Variants in FILIP1L observed in about 807,000 individuals in gnomAD.
The protein encoded by FILIP1L is filamin A-interacting protein 1-like.
FILIP1L carries 55 observed loss-of-function variants against 96.6 expected under a neutral mutation model. The observed-to-expected ratio is 0.57, with a 90% CI of 0.46 to 0.71. The LOEUF (loss-of-function observed/expected upper bound fraction) is 0.71. Among genes scored for constraint, FILIP1L ranks in the 30% least tolerant of loss-of-function variants. The probability of loss-of-function intolerance (pLI) is 0.00; values close to 1 mark genes in which losing one functional copy is unlikely to be tolerated. For missense variants in FILIP1L, 1,304 were observed against 1,321.2 expected (o/e 0.99, Z 0.20); for synonymous variants, 467 against 473.9 (o/e 0.99, Z 0.19).
intron 1 of FILIP1L, among the ~76,000 whole-genome samples, chr3:99,995,176 A>G (rs1311511039): frequency 1.3e-5 from 2 of 152,210 alleles, no homozygotes; most frequent in African/African-American, 2.4e-5. Context: ...CCTAGATACA[A>G]TGTGGGTACA....
At position 100,104,970 on chromosome 3, in the gene FILIP1L, G is replaced by A. The variant is rs553900600; in HGVS notation, c.-11+9083C>T. On this transcript the variant is annotated intron_variant, in intron 1 of 5. Coordinates refer to ENST00000477258, the MANE Select transcript of FILIP1L (RefSeq NM_001387850.1). The stretch of plus-strand genomic sequence containing the variant: ...CCTATGCATTAACTCTAATCTTTCT[G>A]TAAAAGTATCTGCCTTTATTTAACT... 8.5e-5 allele frequency among the ~76,000 whole-genome samples: 13 copies of A among 152,148 alleles called. No homozygotes were observed. The South Asian group carries it at 2.7e-3, about 32-fold the overall frequency.
At chr3:100,041,484 T>TCACAAAAC (rs537310767) in intron 1 of FILIP1L, 90 of 152,286 alleles carry the variant, frequency 5.9e-4, no homozygotes, top group African/African-American at 2.0e-3. Flanking sequence ...AGCCCTGTTA[T>TCACAAAAC]ATCAGTGTTT....
At chr3:99,918,651 T>G (rs1417422273) in intron 4 of FILIP1L, among the ~76,000 whole-genome samples, 1 of 152,070 alleles carries the variant, frequency 6.6e-6, no homozygotes, top group Non-Finnish European at 1.5e-5. Flanking sequence ...TGACATCTGT[T>G]GAAAGTTAAG....
chr3:99,931,090 C>T, intron 1 of FILIP1L, 60 bp from the exon 2 acceptor site: 1 of 1,366,404 alleles, frequency 7.3e-7, no homozygotes, highest in East Asian at 2.3e-5. Flanking sequence ...ATAAGAGTAC[C>T]TATTACTGCT....
At position 99,849,466 on chromosome 3, in the gene FILIP1L, C is replaced by A. The variant is rs1368987126; in HGVS notation, c.2210G>T (p.Cys737Phe). The change falls in exon 5 of 6, where the codon TGT (cysteine) becomes TTT (phenylalanine). Residue 737 changes from cysteine to phenylalanine, a missense_variant. By Grantham distance (205) the Cys-to-Phe change is radical. Transcript: ENST00000477258. ...GACTGAGTGATCTCCCTGGAGGTGA[C>A]ATATTAGGTCTTCAGTTGCCATGTA... ...HEYMATEDLI[C>F]HLQGDHSVLQ... The A allele has an allele frequency of 6.2e-7, 1 of 1,613,784 alleles. No individual in the cohort carries two copies. Among genetic ancestry groups the A allele is most frequent in the East Asian group, 2.2e-5 (1 of 44,872 alleles).
rs555819875 is a variant in FILIP1L at position 100,074,675 on chromosome 3, A to AT, written c.-11+39377dup. Among the ~76,000 whole-genome samples the AT allele has an allele frequency of 9.4e-3, 328 of 34,770 alleles. 123 individuals carry two copies. The highest frequency in any genetic ancestry group is 0.011 in the Non-Finnish European group (223 of 20,228). The allele number at this position is 34,770 out of a possible 152,430, so 22.8% of individuals were successfully genotyped here. ...ATTTTCTATGCATGTGCAACATTTGATTTTTTTTTTTTTTTTTTTTTTTTT... is the reference window on the plus strand; with the variant it reads ...ATTTTCTATGCATGTGCAACATTTGATTTTTTTTTTTTTTTTTTTTTTTTTT... On this transcript the variant is annotated intron_variant, in intron 1 of 5. Transcript: ENST00000477258.
chr3:100,030,102 G>A (rs1347195981), intron 1 of FILIP1L, among the ~76,000 whole-genome samples: 3 of 152,112 alleles, frequency 2.0e-5, no homozygotes, highest in African/African-American at 7.2e-5. Flanking sequence ...ATAAGGAAAC[G>A]GAGACCCAAC....
chr3:100,060,493 C>T (rs2107342753), intron 1 of FILIP1L, among the ~76,000 whole-genome samples: 1 of 151,948 alleles, frequency 6.6e-6, no homozygotes, highest in East Asian at 1.9e-4. Context: ...AGCATCTTCA[C>T]CCAAGAAAAA....
At chr3:99,863,355 A>G (rs1392408423) in intron 4 of FILIP1L, among the ~76,000 whole-genome samples, 1 of 152,130 alleles carries the variant, frequency 6.6e-6, no homozygotes, top group Non-Finnish European at 1.5e-5. Flanking sequence ...ATAGGCCTCA[A>G]ACTGGTACTG....
intron 4 of FILIP1L, among the ~76,000 whole-genome samples, chr3:99,917,074 C>T (rs936224231): frequency 7.9e-5 from 12 of 152,126 alleles, no homozygotes; most frequent in African/African-American, 2.9e-4. Flanking sequence ...GTTGCCTTTC[C>T]ACATTCAGTT....
chr3:99,977,930 A>C (rs1709018133), intron 1 of FILIP1L, among the ~76,000 whole-genome samples: 1 of 152,196 alleles, frequency 6.6e-6, no homozygotes, highest in Non-Finnish European at 1.5e-5. Context: ...AAAAAATTGC[A>C]GGAAAAATAG....
intron 4 of FILIP1L, among the ~76,000 whole-genome samples, chr3:99,907,577 T>C (rs1434815413): frequency 1.3e-5 from 2 of 152,200 alleles, no homozygotes. Flanking sequence ...TGCAGCTCTT[T>C]GCTGAACATA....
chr3:100,099,526 G>T (rs368404237), intron 1 of FILIP1L, among the ~76,000 whole-genome samples: 1 of 152,032 alleles, frequency 6.6e-6, no homozygotes, highest in Non-Finnish European at 1.5e-5. Flanking sequence ...TATTTGTATC[G>T]GTCTAATTAT....
intron 1 of FILIP1L, among the ~76,000 whole-genome samples, chr3:100,100,244 A>G (rs1033800820): frequency 1.3e-5 from 2 of 152,134 alleles, no homozygotes; most frequent in African/African-American, 2.4e-5. Context: ...ATCCTGAGGA[A>G]AGGGTTGGAC....
intron 1 of FILIP1L, among the ~76,000 whole-genome samples, chr3:100,092,692 A>T (rs1487957720): frequency 6.8e-6 from 1 of 147,938 alleles, no homozygotes. Context: ...TGCTATTATT[A>T]TTTTAGGTTC....
intron 4 of FILIP1L, among the ~76,000 whole-genome samples, chr3:99,870,139 T>C (rs1483632632): frequency 6.6e-6 from 1 of 152,228 alleles, no homozygotes; most frequent in Non-Finnish European, 1.5e-5. Flanking sequence ...TCAATCTTTA[T>C]TGAGTACTGA....
intron 1 of FILIP1L, among the ~76,000 whole-genome samples, chr3:99,961,413 T>TTATATATATATAGCATATATA (rs1385561869): frequency 6.6e-6 from 1 of 152,176 alleles, no homozygotes; most frequent in Non-Finnish European, 1.5e-5. Flanking sequence ...CTACAATGAC[T>TTATATATATATAGCATATATA]CTTATGCTAT....
At chr3:99,968,703 G>GA (rs1245485314) in intron 1 of FILIP1L, among the ~76,000 whole-genome samples, 3 of 152,106 alleles carry the variant, frequency 2.0e-5, no homozygotes, top group Admixed American at 6.5e-5. Flanking sequence ...GACTGGAAAG[G>GA]AAAAAACAGA....
intron 4 of FILIP1L, among the ~76,000 whole-genome samples, chr3:99,873,124 TGTG>T (rs1321463114): frequency 2.6e-5 from 4 of 152,146 alleles, no homozygotes; most frequent in African/African-American, 9.7e-5. Flanking sequence ...TAGAAAATGT[TGTG>T]GTGATGACAG....
Sources: gnomAD v4.1 joint callset for allele counts (sites outside exome capture counted in the v4.1 genomes callset) on GRCh38, gnomAD v4.1.1 for gene constraint, MANE v1.5 for transcripts, NCBI Gene and HGNC (gene_info 2026-07-23, HGNC 2026-07-21) for gene names.